The following PRKCH variants were observed in gnomAD, a reference collection of about 807,000 sequenced individuals.
PRKCH encodes the protein protein kinase C eta.
Under a neutral mutation model 82.5 loss-of-function variants are expected in PRKCH, and 28 were observed. The ratio of observed to expected loss-of-function variants is 0.34; its 90% CI spans 0.25 to 0.47. PRKCH has a LOEUF of 0.47. Among genes scored for constraint, PRKCH ranks in the 20% least tolerant of loss-of-function variants. PRKCH has a pLI of 1.00. For synonymous variants in PRKCH, 322 were observed against 327.4 expected (o/e 0.98, Z 0.18); for missense variants, 705 against 881.8 (o/e 0.80, Z 2.54).
chr14:61,223,057 G>A (rs914873033), intron 1 of PRKCH, among the ~76,000 whole-genome samples: 3 of 152,104 alleles, frequency 2.0e-5, no homozygotes, highest in Middle Eastern at 3.2e-3. Context: ...CCATCTCTTA[G>A]TTTTTTCAGA....
At chr14:61,492,803 G>A (rs1886508686) in intron 10 of PRKCH, among the ~76,000 whole-genome samples, 1 of 152,214 alleles carries the variant, frequency 6.6e-6, no homozygotes, top group South Asian at 2.1e-4. Context: ...CAAAATTGGA[G>A]TTTTCCCAGG....
chr14:61,191,363 A>G (rs2044405666), intron 1 of PRKCH, among the ~76,000 whole-genome samples: 1 of 152,196 alleles, frequency 6.6e-6, no homozygotes, highest in Admixed American at 6.5e-5. Context: ...CTTAAAATAA[A>G]TGTTTGGCTT....
intron 1 of PRKCH, among the ~76,000 whole-genome samples, chr14:61,337,465 G>A (rs534637684): frequency 6.6e-6 from 1 of 152,238 alleles, no homozygotes; most frequent in East Asian, 1.9e-4. Flanking sequence ...TGCCCAGTCT[G>A]GAGTGCAGTG....
At chr14:61,489,482 C>G (rs1886368534) in intron 10 of PRKCH, among the ~76,000 whole-genome samples, 1 of 152,200 alleles carries the variant, frequency 6.6e-6, no homozygotes, top group Non-Finnish European at 1.5e-5. Flanking sequence ...GTCTTGTGTT[C>G]TGACCCTGAT....
intron 3 of PRKCH, 94 bp downstream of exon 3, chr14:61,443,355 A>G: frequency 7.9e-7 from 1 of 1,272,018 alleles, no homozygotes; most frequent in Admixed American, 3.0e-5. Flanking sequence ...ATGATTATTT[A>G]AGAATTCTTT....
chr14:61,189,754 T>TC (rs2044395989), intron 1 of PRKCH, among the ~76,000 whole-genome samples: 1 of 152,012 alleles, frequency 6.6e-6, no homozygotes, highest in Non-Finnish European at 1.5e-5. Flanking sequence ...CTTTTTTTTT[T>TC]CCTCTCTCAT....
intron 1 of PRKCH, among the ~76,000 whole-genome samples, chr14:61,314,731 C>A (rs76738450): frequency 0.011 from 1,706 of 152,294 alleles, 21 homozygotes; most frequent in East Asian, 0.066. Context: ...GATCTGCTTG[C>A]CCTCTTAGGA....
At chr14:61,393,104 A>G (rs1227014514) in intron 2 of PRKCH, among the ~76,000 whole-genome samples, 4 of 152,086 alleles carry the variant, frequency 2.6e-5, no homozygotes, top group African/African-American at 7.2e-5. Context: ...CTGTTTGTCC[A>G]TCTGATCTCT....
intron 1 of PRKCH, among the ~76,000 whole-genome samples, chr14:61,370,220 G>A (rs2046347717): frequency 6.6e-6 from 1 of 152,144 alleles, no homozygotes; most frequent in African/African-American, 2.4e-5. Context: ...TGGGATTACA[G>A]GCGTGAGCCA....
At chr14:61,436,366 G>C (rs1017529674) in intron 2 of PRKCH, among the ~76,000 whole-genome samples, 3 of 151,990 alleles carry the variant, frequency 2.0e-5, no homozygotes, top group African/African-American at 7.3e-5. Flanking sequence ...AACATGTGTA[G>C]CAGCTGTTGA....
intron 2 of PRKCH, among the ~76,000 whole-genome samples, chr14:61,403,813 C>A (rs1378359959): frequency 6.6e-6 from 1 of 151,962 alleles, no homozygotes; most frequent in Non-Finnish European, 1.5e-5. Context: ...GAGGCTGACT[C>A]GTTTGTTAAT....
rs149356076 is a variant in PRKCH, at chr14:61,457,271, C to T, written c.1056C>T (p.Ile352=). The change falls in exon 8 of 14, where the codon ATC becomes ATT. Residue 352 remains isoleucine (I), a synonymous_variant. Transcript: ENST00000332981. Reference sequence around the variant, plus strand: ...TTAATTCTTCCAACCGACTTGGTATCGACAACTTTGAGTTCATCCGAGTGT... The same window carrying T: ...TTAATTCTTCCAACCGACTTGGTATTGACAACTTTGAGTTCATCCGAGTGT... The part of the protein sequence containing the change: ...IGVNSSNRLG[I]DNFEFIRVLG... 21 of 1,614,006 alleles carry T rather than the reference C, an allele frequency of 1.3e-5. No individual in the cohort carries two copies. In the African/African-American group the frequency reaches 1.7e-4, roughly 13 times the overall value.
intron 10 of PRKCH, among the ~76,000 whole-genome samples, chr14:61,519,392 A>C (rs147249736): frequency 3.3e-5 from 5 of 152,188 alleles, no homozygotes; most frequent in African/African-American, 9.6e-5. Flanking sequence ...GGCTCAAGCA[A>C]TCCTCCCACC....
chr14:61,264,589 A>G (rs2045080170), intron 1 of PRKCH, among the ~76,000 whole-genome samples: 1 of 152,182 alleles, frequency 6.6e-6, no homozygotes, highest in Non-Finnish European at 1.5e-5. Flanking sequence ...CTCTCTCTAA[A>G]TATCTTACAA....
rs569875031 is a variant in PRKCH at position 61,446,037 on chromosome 14, T to G, written c.613+311T>G. ...ATTTTGTGAGCATACTCTTAAATTT[T>G]GAAGATAAACTTTTGTTTTTTACAA... On this transcript the variant is annotated intron_variant, in intron 4 of 13. Transcript: ENST00000332981. Among the ~76,000 whole-genome samples, 5 of 152,338 alleles carry G rather than the reference T, an allele frequency of 3.3e-5. No individual in the cohort carries two copies. In the South Asian group the frequency reaches 1.0e-3, roughly 32 times the overall value.
rs544259947 is a variant in PRKCH at position 61,278,918 on chromosome 14, TAAA to T, written c.-19+91256_-19+91258del. The T allele has an allele frequency of 2.0e-5, 3 of 150,920 alleles. No homozygotes were observed. The South Asian group carries it at 6.3e-4, about 32-fold the overall frequency. 9.3% of individuals were successfully genotyped at this position (150,920 alleles called of 1,614,324 possible). The stretch of plus-strand genomic sequence containing the variant: ...AATCAATAGATTTCATTTGAAAAGA[TAAA>T]AAAAATTTTTTTTCCAGGTCCAAGG... On this transcript the variant is annotated intron_variant, in intron 1 of 3. Coordinates refer to the PRKCH transcript ENST00000555185.
At chr14:61,258,667 A>G (rs1350476134) in intron 1 of PRKCH, among the ~76,000 whole-genome samples, 2 of 152,222 alleles carry the variant, frequency 1.3e-5, no homozygotes, top group Admixed American at 1.3e-4. Context: ...TCCAATTAAA[A>G]TGCCCAGACA....
At chr14:61,301,891 T>C (rs139808035) in intron 1 of PRKCH, among the ~76,000 whole-genome samples, 341 of 152,318 alleles carry the variant, frequency 2.2e-3, no homozygotes, top group African/African-American at 7.4e-3. Flanking sequence ...TACCAAATGA[T>C]ACACCCTTGT....
At chr14:61,287,194 G>A in intron 1 of PRKCH, among the ~76,000 whole-genome samples, 1 of 98,462 alleles carries the variant, frequency 1.0e-5, no homozygotes, top group Admixed American at 1.6e-4. Context: ...AACAGTGCAA[G>A]ACTCCGTCTT....
Sources: gnomAD v4.1 joint callset for allele counts (sites outside exome capture counted in the v4.1 genomes callset) on GRCh38, gnomAD v4.1.1 for gene constraint, MANE v1.5 for transcripts, NCBI Gene and HGNC (gene_info 2026-07-23, HGNC 2026-07-21) for gene names.